CALCR: variants seen among roughly 807,000 people sequenced by gnomAD.
CALCR encodes the protein calcitonin receptor.
A neutral mutation model predicts 59.5 loss-of-function variants in CALCR; 47 were observed. The ratio of observed to expected loss-of-function variants is 0.79; its 90% confidence interval spans 0.63 to 1.01. The LOEUF is 1.01. Ranked by LOEUF, CALCR falls within the 50% of genes least tolerant of loss-of-function variation. The probability of loss-of-function intolerance (pLI) is 0.00; values close to 1 mark genes in which losing one functional copy is unlikely to be tolerated. For synonymous variants in CALCR, 213 were observed against 211.3 expected (o/e 1.01, Z -0.07); for missense variants, 566 against 597.1 (o/e 0.95, Z 0.54).
chr7:93,429,934 G>T (rs13224483), intron 13 of CALCR, among the ~76,000 whole-genome samples: 41,693 of 89,814 alleles, frequency 0.46, 8,086 homozygotes, highest in African/African-American at 0.58. Flanking sequence ...TTGTTTGTTT[G>T]TTTTTTTGTT....
intron 2 of CALCR, among the ~76,000 whole-genome samples, chr7:93,518,534 A>T (rs1430303675): frequency 2.6e-5 from 4 of 151,956 alleles, no homozygotes; most frequent in African/African-American, 9.7e-5. Context: ...ATTTATATGA[A>T]GAAAAATGCA....
chr7:93,463,986 C>T (rs1436259414), intron 7 of CALCR, among the ~76,000 whole-genome samples: 1 of 152,008 alleles, frequency 6.6e-6, no homozygotes, highest in Admixed American at 6.6e-5. Context: ...ACAACATAAT[C>T]TACCAATCAA....
chr7:93,468,686 T>TAAC (rs773273359), intron 7 of CALCR, 29 bp downstream of exon 7: 116 of 1,454,116 alleles, frequency 8.0e-5, no homozygotes, highest in Admixed American at 1.2e-4. Context: ...AAGGAGGAAA[T>TAAC]AAAGAGCAGA....
At chr7:93,485,052 T>G (rs10488542) in intron 3 of CALCR, among the ~76,000 whole-genome samples, 80,295 of 151,644 alleles carry the variant, frequency 0.53, 21,565 homozygotes, top group East Asian at 0.69. Flanking sequence ...TTCGGATTAA[T>G]TAGGAACATT....
intron 2 of CALCR, among the ~76,000 whole-genome samples, chr7:93,528,350 C>T (rs141999649): frequency 6.6e-6 from 1 of 152,292 alleles, no homozygotes; most frequent in East Asian, 1.9e-4. Flanking sequence ...CATATGTATA[C>T]ATGTGCCGTG....
At chr7:93,447,070 G>T (rs1800018977) in intron 8 of CALCR, among the ~76,000 whole-genome samples, 1 of 151,922 alleles carries the variant, frequency 6.6e-6, no homozygotes, top group South Asian at 2.1e-4. Flanking sequence ...CTTACTACCA[G>T]TTCATGTTTT....
At chr7:93,499,556 G>A (rs1303241713) in intron 2 of CALCR, among the ~76,000 whole-genome samples, 1 of 151,796 alleles carries the variant, frequency 6.6e-6, no homozygotes, top group Non-Finnish European at 1.5e-5. Flanking sequence ...TTGGTCTCTT[G>A]ATTAGCAGAA....
intron 8 of CALCR, among the ~76,000 whole-genome samples, chr7:93,455,754 C>A (rs1800196904): frequency 6.6e-6 from 1 of 151,972 alleles, no homozygotes; most frequent in African/African-American, 2.4e-5. Context: ...TTCATGATAA[C>A]TGAATTTACA....
At chr7:93,527,942 C>G (rs1294434403) in intron 2 of CALCR, among the ~76,000 whole-genome samples, 1 of 151,998 alleles carries the variant, frequency 6.6e-6, no homozygotes, top group Non-Finnish European at 1.5e-5. Flanking sequence ...TATTTTTTGC[C>G]TCAAAAAATT....
chr7:93,497,016 T>TA (rs1312071484), intron 2 of CALCR, among the ~76,000 whole-genome samples: 1 of 151,458 alleles, frequency 6.6e-6, no homozygotes, highest in Non-Finnish European at 1.5e-5. Flanking sequence ...TGTTGCCACA[T>TA]AAAGCAAAAC....
chr7:93,450,622 C>T (rs986667328), intron 8 of CALCR, among the ~76,000 whole-genome samples: 1 of 151,832 alleles, frequency 6.6e-6, no homozygotes, highest in Non-Finnish European at 1.5e-5. Context: ...GGGATAAAAC[C>T]AAGGGAACTC....
intron 7 of CALCR, among the ~76,000 whole-genome samples, chr7:93,467,865 C>A (rs1052800570): frequency 4.6e-5 from 7 of 151,276 alleles, no homozygotes; most frequent in Non-Finnish European, 8.9e-5. Flanking sequence ...GACATGAATC[C>A]AGGCACCTTA....
chr7:93,502,606 G>A (rs1801342419), intron 2 of CALCR, among the ~76,000 whole-genome samples: 1 of 151,886 alleles, frequency 6.6e-6, no homozygotes, highest in Admixed American at 6.6e-5. Context: ...TTTGACTAAG[G>A]TTTTTTTCCT....
At chr7:93,485,334 C>A (rs1800918748) in intron 3 of CALCR, among the ~76,000 whole-genome samples, 1 of 151,398 alleles carries the variant, frequency 6.6e-6, no homozygotes, top group Non-Finnish European at 1.5e-5. Flanking sequence ...GCATTTTTTT[C>A]AATATTTAAA....
intron 2 of CALCR, among the ~76,000 whole-genome samples, chr7:93,541,572 T>C (rs1323447986): frequency 1.3e-5 from 2 of 152,194 alleles, no homozygotes; most frequent in Non-Finnish European, 2.9e-5. Flanking sequence ...CAGAAAAATA[T>C]ACTGAATACT....
intron 3 of CALCR, among the ~76,000 whole-genome samples, chr7:93,484,877 C>A (rs1471676806): frequency 4.6e-5 from 7 of 151,544 alleles, no homozygotes; most frequent in African/African-American, 7.3e-5. Flanking sequence ...TTACTGTATA[C>A]CTCGCAGGAG....
At chr7:93,528,776 T>G (rs118148641) in intron 2 of CALCR, among the ~76,000 whole-genome samples, 1 of 152,212 alleles carries the variant, frequency 6.6e-6, no homozygotes, top group South Asian at 2.1e-4. Flanking sequence ...TGAAGTTCCA[T>G]AATACTAATA....
intron 2 of CALCR, among the ~76,000 whole-genome samples, chr7:93,554,769 G>GTATATATATATATATATACATATATA (rs1789548753): frequency 1.7e-5 from 2 of 117,234 alleles, no homozygotes; most frequent in African/African-American, 8.9e-5. Flanking sequence ...GCCAGGCCAT[G>GTATATATATATATATATACATATATA]TATATATATA....
chr7:93,510,734 T>C (rs191383716), intron 2 of CALCR, among the ~76,000 whole-genome samples: 1 of 152,018 alleles, frequency 6.6e-6, no homozygotes, highest in African/African-American at 2.4e-5. Context: ...ATTAGCTAGG[T>C]GTCTGTAGTC....
Sources: allele counts gnomAD v4.1 joint callset (sites outside exome capture counted in the v4.1 genomes callset), GRCh38; gene constraint gnomAD v4.1.1; transcripts MANE v1.5; gene names NCBI Gene and HGNC (gene_info 2026-07-23, HGNC 2026-07-21).